Variants in CSNK1A1 observed in about 807,000 individuals in gnomAD.
CSNK1A1 encodes the protein casein kinase 1 alpha 1.
Under a neutral mutation model 46.1 loss-of-function variants are expected in CSNK1A1, and 7 were observed. The observed-to-expected ratio is 0.15, with a 90% CI of 0.09 to 0.29. The LOEUF is 0.29. CSNK1A1 is among the 10% of genes least tolerant of loss of function. The pLI, the probability that CSNK1A1 is intolerant of heterozygous loss-of-function variation, is 1.00. For missense variants in CSNK1A1, 96 were observed against 417.1 expected (o/e 0.23, Z 6.71); for synonymous variants, 137 against 141.5 (o/e 0.97, Z 0.23).
At chr5:149,520,493 G>A in intron 3 of CSNK1A1, 105 bp from the exon 4 acceptor site, 1 of 645,716 alleles carries the variant, frequency 1.5e-6, no homozygotes, top group Non-Finnish European at 2.7e-6. Flanking sequence ...CACAAAGACA[G>A]CGCTAAAGAA....
chr5:149,524,271 T>C (rs983115240), intron 3 of CSNK1A1, among the ~76,000 whole-genome samples: 16 of 152,302 alleles, frequency 1.1e-4, no homozygotes, highest in African/African-American at 3.8e-4. Context: ...CTCTTCATAG[T>C]ATTTTTATAA....
chr5:149,536,144 G>T (rs1762055798), intron 2 of CSNK1A1, among the ~76,000 whole-genome samples: 1 of 152,090 alleles, frequency 6.6e-6, no homozygotes. Context: ...GTAGATATGG[G>T]GTTTCTCCAT....
intron 5 of CSNK1A1, 133 bp from the exon 6 acceptor site, chr5:149,512,005 C>T (rs1316747547): frequency 1.4e-5 from 9 of 637,126 alleles, no homozygotes; most frequent in Non-Finnish European, 2.3e-5. Context: ...CAAGAAGCTA[C>T]TTATTTAAGG....
intron 2 of CSNK1A1, among the ~76,000 whole-genome samples, chr5:149,532,504 C>A (rs1047960351): frequency 6.6e-6 from 1 of 151,946 alleles, no homozygotes; most frequent in Non-Finnish European, 1.5e-5. Context: ...ACCACTCTGG[C>A]CAACATGGTG....
At chr5:149,539,147 A>G (rs1017468479) in intron 2 of CSNK1A1, among the ~76,000 whole-genome samples, 10 of 152,298 alleles carry the variant, frequency 6.6e-5, no homozygotes, top group South Asian at 6.2e-4. Flanking sequence ...CCAGAAATCA[A>G]AGCATTTGAT....
intron 2 of CSNK1A1, among the ~76,000 whole-genome samples, chr5:149,537,593 C>T (rs916624998): frequency 6.6e-6 from 1 of 150,456 alleles, no homozygotes; most frequent in Non-Finnish European, 1.5e-5. Context: ...TAAAAACAAA[C>T]AAAACAAAAC....
Position 149,550,974 on chromosome 5 carries a change from C to G in CSNK1A1, c.-10G>C, listed in dbSNP as rs1175214805. 1 of 1,613,778 alleles carries G rather than the reference C, an allele frequency of 6.2e-7. No homozygotes were observed. The highest frequency in any genetic ancestry group is 1.3e-5 in the African/African-American group (1 of 75,060). ...CGCTGCTACTCGCCATCCTGAGAGA[C>G]GAAGATGGAGGCTGGGGCCAAGCCC... On this transcript the variant is annotated 5_prime_UTR_variant, in exon 1 of 10. Transcript: ENST00000377843. The surrounding 1 kb of genome is among the most constrained non-coding windows in gnomAD (Gnocchi z 4.3).
chr5:149,551,097 G>T lies in CSNK1A1; in HGVS notation c.-133C>A, dbSNP rs11556830. ...AAACGGAACACGGAGGCCTTTACCG[G>T]GGTTCGGGGCCCAGAATCAGCAGAG... is the stretch of plus-strand genomic sequence containing the variant. On this transcript the variant is annotated 5_prime_UTR_variant, in exon 1 of 10. Transcript: ENST00000377843. 6 of 963,322 alleles carry T rather than the reference G, an allele frequency of 6.2e-6. No homozygotes were observed. Among genetic ancestry groups the T allele is most frequent in the Non-Finnish European group, 7.8e-6 (5 of 645,122 alleles). The allele number at this position is 963,322 out of a possible 1,614,324, so 59.7% of individuals were successfully genotyped here.
chr5:149,514,886 A>C (rs1761352941), intron 4 of CSNK1A1, among the ~76,000 whole-genome samples: 2 of 152,300 alleles, frequency 1.3e-5, no homozygotes, highest in Admixed American at 6.5e-5. Flanking sequence ...GATGATGAAG[A>C]CTCTCAAAGT....
At position 149,525,708 on chromosome 5, in the gene CSNK1A1, T is replaced by C. The variant is rs973533373; in HGVS notation, c.231-537A>G. ...AAATAACCCATATAACACAAGGTAATGACATTTATTTGCTTTTAACTGGAA... is the reference window on the plus strand; with the variant it reads ...AAATAACCCATATAACACAAGGTAACGACATTTATTTGCTTTTAACTGGAA... On this transcript the variant is annotated intron_variant, in intron 2 of 9. Transcript: ENST00000377843. This position sits in a 1 kb window ranked among gnomAD's most constrained non-coding sequence, Gnocchi z 4.2. 6.6e-6 allele frequency among the ~76,000 whole-genome samples: 1 copy of C among 152,206 alleles called. No homozygotes were observed. The highest frequency in any genetic ancestry group is 6.5e-5 in the Admixed American group (1 of 15,268).
rs780326709 is a variant in CSNK1A1 at position 149,496,840 on chromosome 5, C to T, written c.*13G>A. The T allele has an allele frequency of 1.3e-6, 2 of 1,557,670 alleles. No homozygotes were observed. The highest frequency in any genetic ancestry group is 1.7e-6 in the Non-Finnish European group (2 of 1,152,236). ...GATCATCTGCTCTGCTTCTTCTGTT[C>T]CTCAATTCATGCTTAGAAACCTGGT... is the stretch of plus-strand genomic sequence containing the variant. On this transcript the variant is annotated 3_prime_UTR_variant, in exon 10 of 10. Coordinates refer to ENST00000377843, the MANE Select transcript of CSNK1A1 (RefSeq NM_001892.6).
intron 2 of CSNK1A1, among the ~76,000 whole-genome samples, chr5:149,542,036 C>T (rs1316948638): frequency 3.3e-5 from 5 of 149,292 alleles, no homozygotes; most frequent in Middle Eastern, 3.5e-3. Flanking sequence ...GATCCTTGAT[C>T]CCTGGGCCAC....
intron 2 of CSNK1A1, among the ~76,000 whole-genome samples, chr5:149,535,076 T>C (rs1269452716): frequency 6.6e-6 from 1 of 152,220 alleles, no homozygotes; most frequent in African/African-American, 2.4e-5. Context: ...TGAGCACCTG[T>C]TGGGTACTGA....
chr5:149,507,196 A>T (rs1761060007), intron 7 of CSNK1A1, 63 bp from the exon 8 acceptor site: 2 of 1,258,530 alleles, frequency 1.6e-6, no homozygotes, highest in South Asian at 1.4e-5. Flanking sequence ...AAATAAATGC[A>T]TTTAAGTATA....
chr5:149,526,315 T>C (rs2113129927), intron 2 of CSNK1A1, among the ~76,000 whole-genome samples: 1 of 152,180 alleles, frequency 6.6e-6, no homozygotes, highest in Admixed American at 6.5e-5. Flanking sequence ...TTTAAAAAAG[T>C]TTTTGGTAGA....
intron 2 of CSNK1A1, chr5:149,529,744 A>G (rs1469618424): frequency 6.6e-6 from 3 of 456,162 alleles, no homozygotes; most frequent in African/African-American, 6.0e-5. Flanking sequence ...GTGAACTATT[A>G]CTACAGTTTG....
chr5:149,522,256 C>T (rs1054999888), intron 3 of CSNK1A1, among the ~76,000 whole-genome samples: 3 of 151,898 alleles, frequency 2.0e-5, no homozygotes, highest in African/African-American at 4.8e-5. Context: ...TACGGACATG[C>T]GCGTTACCAT....
At chr5:149,548,201 G>A (rs996327551) in intron 2 of CSNK1A1, among the ~76,000 whole-genome samples, 1 of 152,002 alleles carries the variant, frequency 6.6e-6, no homozygotes, top group Non-Finnish European at 1.5e-5. Context: ...TTTTATTTGA[G>A]TTGTTTCCAT....
chr5:149,508,486 CTT>C (rs1353948137), intron 7 of CSNK1A1, among the ~76,000 whole-genome samples: 1 of 152,162 alleles, frequency 6.6e-6, no homozygotes, highest in African/African-American at 2.4e-5. Context: ...ACAATTCTTT[CTT>C]GTCTGAAAGA....
Sources: gnomAD v4.1 joint callset for allele counts (sites outside exome capture counted in the v4.1 genomes callset) on GRCh38, gnomAD v4.1.1 for gene constraint, Gnocchi (gnomAD v3.1) non-coding constraint, MANE v1.5 for transcripts, NCBI Gene and HGNC (gene_info 2026-07-23, HGNC 2026-07-21) for gene names.